The following LPP variants were observed in gnomAD, a reference collection of about 807,000 sequenced individuals.
The protein encoded by LPP is LIM domain containing preferred translocation partner in lipoma, also known as lipoma-preferred partner.
Under a neutral mutation model 60.4 loss-of-function variants are expected in LPP, and 38 were observed. The ratio of observed to expected loss-of-function variants is 0.63; its 90% CI spans 0.49 to 0.83. The LOEUF (loss-of-function observed/expected upper bound fraction) is 0.83. Among genes scored for constraint, LPP ranks in the 40% least tolerant of loss-of-function variants. The pLI is 0.00. For synonymous variants in LPP, 328 were observed against 290.8 expected, an observed-to-expected ratio of 1.13 and a Z score of -1.30; for missense variants, 902 against 783.6, an observed-to-expected ratio of 1.15 and a Z score of -1.80.
At chr3:188,250,878 CT>C (rs1426635610) in intron 2 of LPP, among the ~76,000 whole-genome samples, 2 of 123,224 alleles carry the variant, frequency 1.6e-5, no homozygotes, top group African/African-American at 7.4e-5. Flanking sequence ...TTTTCTTTCA[CT>C]CTCTCTCTCT....
chr3:188,558,010 A>G (rs527992146), intron 6 of LPP, among the ~76,000 whole-genome samples: 1 of 152,166 alleles, frequency 6.6e-6, no homozygotes, highest in South Asian at 2.1e-4. Flanking sequence ...ATTTTTGAGC[A>G]GAAAGCATGC....
intron 2 of LPP, among the ~76,000 whole-genome samples, chr3:188,320,676 T>G (rs1220952442): frequency 6.6e-6 from 1 of 152,232 alleles, no homozygotes; most frequent in African/African-American, 2.4e-5. Flanking sequence ...CATTGAATTT[T>G]CCTTATCCAT....
intron 7 of LPP, among the ~76,000 whole-genome samples, chr3:188,623,113 G>C (rs1846126712): frequency 6.7e-6 from 1 of 148,768 alleles, no homozygotes; most frequent in African/African-American, 2.5e-5. Context: ...TGGATGACTA[G>C]ATCATTTAAA....
rs1314429711 is a variant in LPP at position 188,247,271 on chromosome 3, A to G, written c.-67+21744A>G. 9.1e-6 allele frequency: 6 copies of G among 658,836 alleles called. No homozygotes were observed. In the Admixed American group the frequency reaches 2.5e-4, roughly 28 times the overall value. The allele number at this position is 658,836 out of a possible 1,614,324, so 40.8% of individuals were successfully genotyped here. On this transcript the variant is annotated intron_variant, in intron 2 of 11. Transcript: ENST00000617246. ...AGGGCACTTTAGTGGGAAAAAAAAA[A>G]AAACGCTGAGGCTATTTTTAGAGCC...
At chr3:188,393,603 C>G (rs1376926473) in intron 3 of LPP, among the ~76,000 whole-genome samples, 1 of 152,162 alleles carries the variant, frequency 6.6e-6, no homozygotes, top group African/African-American at 2.4e-5. Flanking sequence ...TACACCAGAA[C>G]AGCAGGTATA....
intron 7 of LPP, among the ~76,000 whole-genome samples, chr3:188,707,926 G>A (rs909236815): frequency 1.3e-5 from 2 of 152,220 alleles, no homozygotes; most frequent in Non-Finnish European, 2.9e-5. Flanking sequence ...TCACTTCACT[G>A]TAAGGTTCAT....
chr3:188,513,343 G>A (rs1427283896), intron 5 of LPP, among the ~76,000 whole-genome samples: 1 of 152,146 alleles, frequency 6.6e-6, no homozygotes, highest in African/African-American at 2.4e-5. Context: ...TAATTTCTTA[G>A]AATTGCTTCA....
chr3:188,668,711 T>A (rs77693286), intron 7 of LPP, among the ~76,000 whole-genome samples: 4,148 of 152,264 alleles, frequency 0.027, 88 homozygotes, highest in Middle Eastern at 0.051. Flanking sequence ...TCATTTGCTG[T>A]TTTTCCGTGG....
intron 5 of LPP, among the ~76,000 whole-genome samples, chr3:188,500,143 CT>C (rs1279305423): frequency 1.3e-5 from 2 of 151,712 alleles, no homozygotes; most frequent in Non-Finnish European, 2.9e-5. Context: ...CAGTATTACA[CT>C]AAATTGTTAT....
intron 2 of LPP, among the ~76,000 whole-genome samples, chr3:188,244,110 A>G (rs1560149893): frequency 6.6e-6 from 1 of 152,158 alleles, no homozygotes; most frequent in Non-Finnish European, 1.5e-5. Context: ...GCCTTAAGAT[A>G]TCTGCCTGCC....
At chr3:188,396,354 A>G (rs1323669117) in intron 3 of LPP, among the ~76,000 whole-genome samples, 2 of 152,262 alleles carry the variant, frequency 1.3e-5, no homozygotes, top group African/African-American at 4.8e-5. Context: ...TTAAAAAATT[A>G]AGATAATTAG....
At chr3:188,359,762 T>C (rs1321330889) in intron 3 of LPP, among the ~76,000 whole-genome samples, 1 of 152,190 alleles carries the variant, frequency 6.6e-6, no homozygotes, top group African/African-American at 2.4e-5. Context: ...ATTTGTCTGC[T>C]GAACTCATCT....
intron 6 of LPP, among the ~76,000 whole-genome samples, chr3:188,578,281 C>T: frequency 6.6e-6 from 1 of 151,972 alleles, no homozygotes; most frequent in East Asian, 1.9e-4. Flanking sequence ...CTCTTCCTTT[C>T]CTTTTTTCTT....
In LPP at chr3:188,201,830, C is replaced by T. The variant is rs138441287; in HGVS notation, c.-189-23575C>T. 7.6e-3 allele frequency among the ~76,000 whole-genome samples: 1,149 copies of T among 152,114 alleles called. 10 individuals carry two copies. Among genetic ancestry groups the T allele is most frequent in the Middle Eastern group, 0.014 (4 of 294 alleles). On this transcript the variant is annotated intron_variant, in intron 1 of 11. Transcript: ENST00000617246. ...AGACGTCCTTTAATACATGAAGACA[C>T]CACAGATAAAAAACTGTCTTTCTCC...
intron 7 of LPP, among the ~76,000 whole-genome samples, chr3:188,706,015 C>T (rs914350373): frequency 1.3e-5 from 2 of 152,148 alleles, no homozygotes; most frequent in Admixed American, 6.5e-5. Flanking sequence ...CTTCATGTCC[C>T]TCCTGGGTTC....
At chr3:188,326,816 C>A (rs934056550) in intron 2 of LPP, among the ~76,000 whole-genome samples, 1 of 151,884 alleles carries the variant, frequency 6.6e-6, no homozygotes, top group African/African-American at 2.4e-5. Flanking sequence ...CCCCTGTTTC[C>A]TGCTTGTATT....
At chr3:188,336,353 G>C (rs1252679944) in intron 2 of LPP, among the ~76,000 whole-genome samples, 1 of 152,124 alleles carries the variant, frequency 6.6e-6, no homozygotes, top group Non-Finnish European at 1.5e-5. Context: ...GCCAGGATTT[G>C]TGACTCTGAG....
chr3:188,346,782 A>G (rs1190362444), intron 3 of LPP, among the ~76,000 whole-genome samples: 2 of 152,136 alleles, frequency 1.3e-5, no homozygotes, highest in African/African-American at 2.4e-5. Flanking sequence ...AAAAGTTTTC[A>G]TTCTATGTGG....
chr3:188,345,411 T>G (rs1193464392), intron 3 of LPP, among the ~76,000 whole-genome samples: 1 of 152,094 alleles, frequency 6.6e-6, no homozygotes, highest in Non-Finnish European at 1.5e-5. Flanking sequence ...ACATCATCAC[T>G]CTCCTCCACC....
Sources: allele counts gnomAD v4.1 joint callset (sites outside exome capture counted in the v4.1 genomes callset), GRCh38; gene constraint gnomAD v4.1.1; transcripts MANE v1.5; gene names NCBI Gene and HGNC (gene_info 2026-07-23, HGNC 2026-07-21).